Variants in C1GALT1 observed in about 807,000 individuals in gnomAD.
C1GALT1 encodes the protein core 1 synthase, glycoprotein-N-acetylgalactosamine 3-beta-galactosyltransferase 1, also known as glycoprotein-N-acetylgalactosamine 3-beta-galactosyltransferase 1.
In C1GALT1, 11 loss-of-function variants were observed where a neutral mutation model predicts 31.0. That is an observed-to-expected ratio of 0.36 (90% CI 0.22 to 0.59). C1GALT1 has a LOEUF of 0.59. Ranked by LOEUF, C1GALT1 falls within the 20% of genes least tolerant of loss-of-function variation. The pLI is 0.79. For missense variants in C1GALT1, 424 were observed against 425.2 expected (o/e 1.00, Z 0.03); for synonymous variants, 175 against 143.6 (o/e 1.22, Z -1.56).
chr7:7,188,954 T>G (rs34827973), intron 1 of C1GALT1, among the ~76,000 whole-genome samples: 4 of 152,284 alleles, frequency 2.6e-5, no homozygotes, highest in Admixed American at 6.5e-5. Context: ...TGGGGAGAGA[T>G]AGTGGTAGAG....
At chr7:7,160,474 A>G (rs1388670327) in intron 2 of C1GALT1, among the ~76,000 whole-genome samples, 1 of 152,158 alleles carries the variant, frequency 6.6e-6, no homozygotes, top group Non-Finnish European at 1.5e-5. Context: ...GCGGGAAGAC[A>G]AAATGTTACC....
intron 1 of C1GALT1, among the ~76,000 whole-genome samples, chr7:7,222,966 C>T (rs1422901962): frequency 1.3e-5 from 2 of 151,814 alleles, no homozygotes; most frequent in African/African-American, 2.4e-5. Flanking sequence ...AAAAAGTCAA[C>T]TGAGTTACTT....
chr7:7,248,514 A>AT lies in C1GALT1; in HGVS notation c.*4789dup, dbSNP rs923921709. The AT allele has an allele frequency of 6.6e-6, 1 of 152,042 alleles. No homozygotes were observed. Among genetic ancestry groups the AT allele is most frequent in the African/African-American group, 2.4e-5 (1 of 41,462 alleles). The allele number at this position is 152,042 out of a possible 1,614,324, so 9.4% of individuals were successfully genotyped here. On this transcript the variant is annotated 3_prime_UTR_variant, in exon 4 of 4. Transcript: ENST00000436587. The stretch of plus-strand genomic sequence containing the variant: ...ACTTGCTTATTTTTAAGTGATCACC[A>AT]TTAAGTCAGAAAAATGTATTTTTAA...
At position 7,227,536 on chromosome 7, in the gene C1GALT1, C is replaced by T. The variant is rs577864926; in HGVS notation, c.-17-6767C>T. 2.1e-4 allele frequency among the ~76,000 whole-genome samples: 32 copies of T among 151,966 alleles called. No individual in the cohort carries two copies. In the South Asian group the frequency reaches 3.3e-3, roughly 16 times the overall value. On this transcript the variant is annotated intron_variant, in intron 1 of 3. Transcript: ENST00000436587. ...GAGATCGAGACCATCCCGGCTAAAA[C>T]GGTGAAACCCCGTCTCTACTAAAAA...
intron 1 of C1GALT1, chr7:7,183,601 CGTACACTCTT>C (rs1780687149): frequency 1.0e-6 from 1 of 984,066 alleles, no homozygotes; most frequent in Admixed American, 6.2e-5. Context: ...TTGGGTAAGT[CGTACACTCTT>C]AAAAGATGAC....
Position 7,238,660 on chromosome 7 carries a change from G to C in C1GALT1, c.626G>C (p.Gly209Ala), listed in dbSNP as rs1212040940. 1 of 1,614,092 alleles carries C rather than the reference G, an allele frequency of 6.2e-7. No individual in the cohort carries two copies. Residue 209 changes from glycine to alanine, a missense_variant, in exon 3 of 4, where the codon GGA becomes GCA. Coordinates refer to ENST00000436587, the MANE Select transcript of C1GALT1 (RefSeq NM_020156.5). This position sits in a 1 kb window ranked among gnomAD's most constrained non-coding sequence, Gnocchi z 5.2. ...KPYVKQGYMS[G>A]GAGYVLSKEA... is the part of the protein sequence containing the mutation. ...TATGTAAAGCAGGGCTACATGAGTG[G>C]AGGAGCAGGATATGTACTAAGCAAA...
At chr7:7,201,076 C>T (rs112556186) in intron 1 of C1GALT1, among the ~76,000 whole-genome samples, 132 of 152,308 alleles carry the variant, frequency 8.7e-4, no homozygotes, top group South Asian at 4.8e-3. Context: ...GGAGAAGAGG[C>T]GCTCTGATTT....
At chr7:7,174,925 A>C (rs1780489348) in intron 2 of C1GALT1, among the ~76,000 whole-genome samples, 1 of 151,902 alleles carries the variant, frequency 6.6e-6, no homozygotes, top group African/African-American at 2.4e-5. Context: ...AATTGTTTTA[A>C]AGTTTTTGTT....
chr7:7,203,133 A>C (rs1334959372), intron 1 of C1GALT1, among the ~76,000 whole-genome samples: 1 of 144,816 alleles, frequency 6.9e-6, no homozygotes, highest in Non-Finnish European at 1.5e-5. Context: ...CCCTGCATAT[A>C]AGATCATATC....
Position 7,186,376 on chromosome 7 carries a change from C to G in C1GALT1, c.-18+3556C>G, listed in dbSNP as rs142799598. Reference sequence around the variant, plus strand: ...GATAAAACAGTGGATAGGCAAAAATCTCTGTCCTCATGGAGCTTACATTCT... The same window carrying G: ...GATAAAACAGTGGATAGGCAAAAATGTCTGTCCTCATGGAGCTTACATTCT... On this transcript the variant is annotated intron_variant, in intron 1 of 3. Transcript: ENST00000436587. Among the ~76,000 whole-genome samples the G allele has an allele frequency of 2.0e-3, 308 of 152,286 alleles. 1 individual carries two copies. Among genetic ancestry groups the G allele is most frequent in the African/African-American group, 7.0e-3 (290 of 41,570 alleles).
chr7:7,207,159 T>G (rs1184744869), intron 1 of C1GALT1, among the ~76,000 whole-genome samples: 1 of 152,034 alleles, frequency 6.6e-6, no homozygotes, highest in African/African-American at 2.4e-5. Flanking sequence ...TTCCTAAGAC[T>G]CAATAATTTC....
Position 7,238,800 on chromosome 7 carries a change from G to A in C1GALT1, c.766G>A (p.Asp256Asn). The stretch of plus-strand genomic sequence containing the variant: ...GGAAATTATGAATGTAGAAGCAGGA[G>A]ATTCCAGAGATACCATTGGAAAAGA... ...CMEIMNVEAG[D>N]SRDTIGKETF... The change falls in exon 3 of 4, where the codon GAT (aspartate) becomes AAT (asparagine). Residue 256 changes from aspartate (D) to asparagine (N), a missense_variant. Physicochemically the swap from Asp to Asn is conservative, Grantham distance 23. Coordinates refer to ENST00000436587, the MANE Select transcript of C1GALT1 (RefSeq NM_020156.5). The surrounding 1 kb of genome is among the most constrained non-coding windows in gnomAD (Gnocchi z 5.2). 6.2e-7 allele frequency: 1 copy of A among 1,613,762 alleles called. No individual in the cohort carries two copies. Among genetic ancestry groups the A allele is most frequent in the Non-Finnish European group, 8.5e-7 (1 of 1,179,896 alleles).
intron 1 of C1GALT1, among the ~76,000 whole-genome samples, chr7:7,195,296 A>T (rs1012367973): frequency 5.3e-5 from 8 of 151,922 alleles, no homozygotes; most frequent in African/African-American, 1.2e-4. Flanking sequence ...AGACTTTTTG[A>T]TGTAGGCATT....
intron 1 of C1GALT1, among the ~76,000 whole-genome samples, chr7:7,221,213 C>T (rs1308101083): frequency 5.9e-5 from 9 of 151,844 alleles, no homozygotes; most frequent in Non-Finnish European, 1.3e-4. Context: ...TCCATCACCT[C>T]GTCTTTCTTG....
intron 1 of C1GALT1, among the ~76,000 whole-genome samples, chr7:7,225,123 TTATTA>T (rs1160020518): frequency 2.0e-5 from 3 of 152,296 alleles, no homozygotes; most frequent in East Asian, 3.9e-4. Flanking sequence ...TTTCTGCTCT[TTATTA>T]TTTTATTCCT....
chr7:7,157,800 G>T (rs1012367375), intron 2 of C1GALT1, among the ~76,000 whole-genome samples: 15 of 151,942 alleles, frequency 9.9e-5, no homozygotes, highest in African/African-American at 3.4e-4. Flanking sequence ...CCTCAGTAAG[G>T]GTATGTACAT....
At chr7:7,210,750 A>T (rs1193416267) in intron 1 of C1GALT1, among the ~76,000 whole-genome samples, 2 of 152,146 alleles carry the variant, frequency 1.3e-5, no homozygotes, top group Non-Finnish European at 2.9e-5. Flanking sequence ...TTCCAGGAAC[A>T]TGTAGGGCAA....
intron 3 of C1GALT1, among the ~76,000 whole-genome samples, chr7:7,242,309 G>C (rs1226489656): frequency 1.3e-5 from 2 of 150,614 alleles, no homozygotes; most frequent in Non-Finnish European, 3.0e-5. Flanking sequence ...GACTTATCTG[G>C]TTATTTTTCC....
At chr7:7,174,704 T>C (rs945279478) in intron 2 of C1GALT1, among the ~76,000 whole-genome samples, 2 of 152,180 alleles carry the variant, frequency 1.3e-5, no homozygotes, top group East Asian at 1.9e-4. Flanking sequence ...TCAAGTTCAC[T>C]GACTCTTCTG....
Sources: allele counts gnomAD v4.1 joint callset (sites outside exome capture counted in the v4.1 genomes callset), GRCh38; gene constraint gnomAD v4.1.1; non-coding constraint Gnocchi (gnomAD v3.1); transcripts MANE v1.5; gene names NCBI Gene and HGNC (gene_info 2026-07-23, HGNC 2026-07-21).